The following RNF130 variants were observed in gnomAD, a reference collection of about 807,000 sequenced individuals.
RNF130 encodes E3 ubiquitin-protein ligase RNF130.
RNF130 carries 21 observed loss-of-function variants against 44.6 expected under a neutral mutation model. That is an observed-to-expected ratio of 0.47 (90% CI 0.33 to 0.68). The LOEUF (loss-of-function observed/expected upper bound fraction) is 0.68, where lower values mean the gene tolerates loss of function less well. RNF130 is among the 30% of genes least tolerant of loss of function. The probability of loss-of-function intolerance (pLI) is 0.02; values close to 1 mark genes in which losing one functional copy is unlikely to be tolerated. For missense variants in RNF130, 479 were observed against 560.6 expected, an observed-to-expected ratio of 0.85 and a Z score of 1.47; for synonymous variants, 214 against 210.4, an observed-to-expected ratio of 1.02 and a Z score of -0.15.
intron 5 of RNF130, among the ~76,000 whole-genome samples, chr5:179,972,670 G>A (rs1306614340): frequency 6.6e-6 from 1 of 152,040 alleles, no homozygotes; most frequent in African/African-American, 2.4e-5. Context: ...GGGGGATGGA[G>A]GTGCGGCTCT....
At chr5:179,951,446 C>T (rs913536802), downstream of RNF130, among the ~76,000 whole-genome samples, 15 of 151,216 alleles carry the variant, frequency 9.9e-5, no homozygotes, top group African/African-American at 3.2e-4. Flanking sequence ...TGCAGTGGCG[C>T]GATCTCGGCT....
chr5:179,943,183 A>T (rs2113683848), intron 7 of RNF130, among the ~76,000 whole-genome samples: 1 of 152,354 alleles, frequency 6.6e-6, no homozygotes, highest in Non-Finnish European at 1.5e-5. Flanking sequence ...ACAGAGCGAG[A>T]CACTGTCTCA....
chr5:180,020,611 T>C (rs1222215818), intron 2 of RNF130, among the ~76,000 whole-genome samples: 1 of 152,200 alleles, frequency 6.6e-6, no homozygotes, highest in Non-Finnish European at 1.5e-5. Flanking sequence ...CTCTTCTTTC[T>C]TCCTTGAACA....
At chr5:179,956,861 C>T (rs1762224401) in intron 8 of RNF130, among the ~76,000 whole-genome samples, 3 of 152,356 alleles carry the variant, frequency 2.0e-5, no homozygotes, top group Admixed American at 2.0e-4. Context: ...CTGCGAGCCC[C>T]GTGCTTGGCA....
chr5:180,070,663 C>T (rs571738651), intron 1 of RNF130, among the ~76,000 whole-genome samples: 1 of 152,290 alleles, frequency 6.6e-6, no homozygotes, highest in East Asian at 1.9e-4. Flanking sequence ...AAATCATATT[C>T]CACGATGTGC....
chr5:179,981,082 C>T (rs139370339), intron 3 of RNF130, among the ~76,000 whole-genome samples: 2 of 151,834 alleles, frequency 1.3e-5, no homozygotes, highest in East Asian at 1.9e-4. Flanking sequence ...ATGGGAAAGG[C>T]GTAGGGTTAG....
chr5:179,973,605 GC>G (rs1236589966), intron 5 of RNF130, among the ~76,000 whole-genome samples: 1 of 152,118 alleles, frequency 6.6e-6, no homozygotes, highest in Non-Finnish European at 1.5e-5. Context: ...GAGCGGCCCC[GC>G]CACCTGGCCA....
downstream of RNF130, among the ~76,000 whole-genome samples, chr5:179,953,478 T>C (rs907747520): frequency 1.3e-5 from 2 of 152,172 alleles, no homozygotes; most frequent in Admixed American, 6.5e-5. Context: ...AACTCATATG[T>C]CATTCTCAAT....
chr5:179,940,494 C>A (rs772712665), intron 7 of RNF130, among the ~76,000 whole-genome samples: 1 of 152,136 alleles, frequency 6.6e-6, no homozygotes, highest in Non-Finnish European at 1.5e-5. Context: ...GCTTTGGCCT[C>A]CCAAAGTGCT....
chr5:179,972,306 C>T (rs1469092995), intron 5 of RNF130, among the ~76,000 whole-genome samples: 7 of 152,324 alleles, frequency 4.6e-5, no homozygotes, highest in Non-Finnish European at 7.3e-5. Flanking sequence ...TGAAAAGTCA[C>T]GGGGACGCAA....
intron 2 of RNF130, among the ~76,000 whole-genome samples, chr5:180,026,682 G>C (rs1327467513): frequency 6.6e-6 from 1 of 152,144 alleles, no homozygotes; most frequent in Non-Finnish European, 1.5e-5. Flanking sequence ...ACAGTATATA[G>C]GGAATACTTA....
chr5:179,977,021 G>A lies in RNF130; in HGVS notation c.848+1182C>T, dbSNP rs1470400686. The A allele has an allele frequency of 1.3e-5, 2 of 152,210 alleles. No individual in the cohort carries two copies. The highest frequency in any genetic ancestry group is 1.9e-4 in the East Asian group (1 of 5,190). 9.4% of individuals were successfully genotyped at this position (152,210 alleles called of 1,614,324 possible). A position where few individuals can be genotyped will look rare whatever the true frequency, so the allele number is the denominator to read the frequency against. On this transcript the variant is annotated intron_variant, in intron 5 of 8. Coordinates refer to ENST00000521389, the MANE Select transcript of RNF130 (RefSeq NM_018434.6). The surrounding 1 kb of genome is among the most constrained non-coding windows in gnomAD (Gnocchi z 4.1). The stretch of plus-strand genomic sequence containing the variant: ...GTTTCCAGGGCAACCAGGCACAGGC[G>A]AGTCCTTTCCTCATGGAGGAAGGCT...
intron 7 of RNF130, among the ~76,000 whole-genome samples, chr5:179,921,475 G>A (rs1761629664): frequency 6.6e-6 from 1 of 152,192 alleles, no homozygotes; most frequent in Non-Finnish European, 1.5e-5. Context: ...TGCAAAAACT[G>A]AACTTTTTCA....
intron 3 of RNF130, among the ~76,000 whole-genome samples, chr5:180,010,126 A>G (rs1763557345): frequency 6.6e-6 from 1 of 151,248 alleles, no homozygotes; most frequent in Non-Finnish European, 1.5e-5. Context: ...AGGCACCTGT[A>G]GTCCCAGCTA....
intron 7 of RNF130, among the ~76,000 whole-genome samples, chr5:179,921,203 G>A (rs903196912): frequency 6.6e-5 from 10 of 151,978 alleles, no homozygotes; most frequent in Admixed American, 2.0e-4. Flanking sequence ...CAGTGACACC[G>A]ACACCACCAT....
intron 1 of RNF130, among the ~76,000 whole-genome samples, chr5:180,055,966 C>T (rs1377603829): frequency 6.6e-6 from 1 of 152,018 alleles, no homozygotes; most frequent in African/African-American, 2.4e-5. Context: ...CACCTTTAAT[C>T]CCAGCTACTC....
At chr5:180,004,854 T>C (rs1012341528) in intron 3 of RNF130, among the ~76,000 whole-genome samples, 1 of 152,206 alleles carries the variant, frequency 6.6e-6, no homozygotes, top group African/African-American at 2.4e-5. Flanking sequence ...TGGTGAAATC[T>C]AGGTATAAAA....
At chr5:179,971,517 C>T (rs1266446705) in intron 5 of RNF130, among the ~76,000 whole-genome samples, 1 of 152,144 alleles carries the variant, frequency 6.6e-6, no homozygotes, top group Non-Finnish European at 1.5e-5. Context: ...CTACAGCAGC[C>T]CGCCACCACG....
chr5:179,941,230 G>A (rs1761965917), intron 7 of RNF130, among the ~76,000 whole-genome samples: 1 of 152,130 alleles, frequency 6.6e-6, no homozygotes, highest in African/African-American at 2.4e-5. Flanking sequence ...TTAATGGATT[G>A]CTGGACATGT....
Sources: gnomAD v4.1 joint callset for allele counts (sites outside exome capture counted in the v4.1 genomes callset) on GRCh38, gnomAD v4.1.1 for gene constraint, Gnocchi (gnomAD v3.1) non-coding constraint, MANE v1.5 for transcripts, NCBI Gene and HGNC (gene_info 2026-07-23, HGNC 2026-07-21) for gene names.